ADAM18: variants seen among roughly 807,000 people sequenced by gnomAD.
The protein encoded by ADAM18 is disintegrin and metalloproteinase domain-containing protein 18.
In ADAM18, 117 loss-of-function variants were observed where a neutral mutation model predicts 94.4. That is an observed-to-expected ratio of 1.24 (90% confidence interval 1.07 to 1.45). The LOEUF is 1.45. ADAM18 is among the 40% of genes most tolerant of loss of function. The probability of loss-of-function intolerance (pLI) is 0.00; values close to 1 mark genes in which losing one functional copy is unlikely to be tolerated. For missense variants in ADAM18, 936 were observed against 880.0 expected (o/e 1.06, Z -0.81); for synonymous variants, 327 against 291.6 (o/e 1.12, Z -1.24).
At chr8:39,711,638 A>C (rs1199087013) in intron 18 of ADAM18, among the ~76,000 whole-genome samples, 1 of 152,166 alleles carries the variant, frequency 6.6e-6, no homozygotes, top group African/African-American at 2.4e-5. Context: ...CAAGGGTTTA[A>C]AAGTGAATTT....
chr8:39,713,911 A>G (rs1822494944), intron 18 of ADAM18, among the ~76,000 whole-genome samples: 4 of 152,182 alleles, frequency 2.6e-5, no homozygotes, highest in Admixed American at 2.6e-4. Context: ...ATCTAGAATT[A>G]CCATTTGACC....
rs115469247 is a variant in ADAM18, at chr8:39,653,221, C to T, written c.1230+4694C>T. ...TGTGTTAATTAGCTTGATTTAGCCA[C>T]TTTAGAATGTATACATGTATCAAAA... On this transcript the variant is annotated intron_variant, in intron 12 of 19. Transcript: ENST00000265707. Among the ~76,000 whole-genome samples the T allele has an allele frequency of 6.0e-3, 913 of 152,048 alleles. 5 individuals are homozygous for T. The highest frequency in any genetic ancestry group is 0.021 in the African/African-American group (867 of 41,438).
At chr8:39,589,530 T>C (rs1818507753) in intron 2 of ADAM18, among the ~76,000 whole-genome samples, 1 of 152,028 alleles carries the variant, frequency 6.6e-6, no homozygotes, top group African/African-American at 2.4e-5. Context: ...GTGTATGTTA[T>C]GTATATCAAG....
intron 2 of ADAM18, among the ~76,000 whole-genome samples, chr8:39,602,545 A>G (rs1009570542): frequency 6.6e-6 from 1 of 152,150 alleles, no homozygotes; most frequent in Admixed American, 6.5e-5. Flanking sequence ...TTGACCTTCA[A>G]TCTCTTGCAA....
intron 7 of ADAM18, among the ~76,000 whole-genome samples, chr8:39,637,046 T>A (rs1365690474): frequency 6.9e-6 from 1 of 144,164 alleles, no homozygotes; most frequent in Non-Finnish European, 1.5e-5. Context: ...TATATATATA[T>A]ATATATATAT....
At position 39,729,060 on chromosome 8, in the gene ADAM18, T is replaced by C. The variant is rs142209893; in HGVS notation, c.2178-838T>C. On this transcript the variant is annotated intron_variant, in intron 19 of 19. Coordinates refer to ENST00000265707, the MANE Select transcript of ADAM18 (RefSeq NM_014237.3). ...CTTTTTTTAAAAAACATATTGGCCA[T>C]CCTAATGGGTGTGAGGAGATATCTC... Among the ~76,000 whole-genome samples the C allele has an allele frequency of 2.7e-3, 408 of 152,250 alleles. 2 individuals are homozygous for C. The highest frequency in any genetic ancestry group is 9.4e-3 in the African/African-American group (390 of 41,538).
chr8:39,604,146 T>TAC (rs1424065019), intron 2 of ADAM18, among the ~76,000 whole-genome samples: 1 of 152,228 alleles, frequency 6.6e-6, no homozygotes, highest in Non-Finnish European at 1.5e-5. Context: ...GCCAGGCTCT[T>TAC]ACACTCATTT....
intron 13 of ADAM18, 44 bp downstream of exon 13, chr8:39,663,934 G>A (rs559255877): frequency 2.3e-6 from 3 of 1,297,226 alleles, no homozygotes; most frequent in Non-Finnish European, 3.3e-6. Flanking sequence ...ACTGTGGTAA[G>A]AGACGTCTGT....
At chr8:39,672,954 GGTT>G (rs936594189) in intron 14 of ADAM18, among the ~76,000 whole-genome samples, 3 of 152,130 alleles carry the variant, frequency 2.0e-5, no homozygotes, top group Admixed American at 2.0e-4. Context: ...AAATCCATTT[GGTT>G]GTTATTTCTC....
intron 2 of ADAM18, among the ~76,000 whole-genome samples, chr8:39,585,963 CA>C (rs1818382697): frequency 6.6e-6 from 1 of 152,104 alleles, no homozygotes. Context: ...CTGAAATTGA[CA>C]GATTTAAAAT....
chr8:39,611,185 T>A (rs1021081923), intron 6 of ADAM18: 2 of 746,278 alleles, frequency 2.7e-6, no homozygotes, highest in African/African-American at 3.8e-5. Context: ...CATCACCATG[T>A]GGCCTCTGTT....
chr8:39,691,868 T>C (rs1359342250), intron 16 of ADAM18, among the ~76,000 whole-genome samples: 1 of 151,982 alleles, frequency 6.6e-6, no homozygotes, highest in Non-Finnish European at 1.5e-5. Flanking sequence ...AGTTGACATA[T>C]GCAACTTATA....
intron 6 of ADAM18, among the ~76,000 whole-genome samples, chr8:39,621,406 G>A (rs948324921): frequency 1.3e-5 from 2 of 151,014 alleles, no homozygotes; most frequent in African/African-American, 4.9e-5. Flanking sequence ...GACCACTGGG[G>A]AAAACTGGAT....
At chr8:39,606,220 ACT>A (rs1266108169) in intron 2 of ADAM18, 85 bp from the exon 3 acceptor site, 41 of 690,212 alleles carry the variant, frequency 5.9e-5, no homozygotes, top group Admixed American at 2.7e-4. Context: ...TAATAGATAG[ACT>A]CTTTTTATTA....
chr8:39,619,320 G>A (rs996092258), intron 6 of ADAM18, among the ~76,000 whole-genome samples: 16 of 152,242 alleles, frequency 1.1e-4, no homozygotes, highest in African/African-American at 3.1e-4. Flanking sequence ...AAAAGCGACC[G>A]AATGGACATT....
intron 17 of ADAM18, among the ~76,000 whole-genome samples, chr8:39,702,227 C>T (rs1182049289): frequency 6.6e-6 from 1 of 152,160 alleles, no homozygotes; most frequent in Non-Finnish European, 1.5e-5. Flanking sequence ...ATTTTTATTT[C>T]TCTAATGATT....
chr8:39,614,497 A>G (rs376227954), intron 6 of ADAM18, among the ~76,000 whole-genome samples: 2 of 152,308 alleles, frequency 1.3e-5, no homozygotes, highest in Non-Finnish European at 2.9e-5. Context: ...ACAAAAGACC[A>G]TACAGGGCAC....
intron 14 of ADAM18, among the ~76,000 whole-genome samples, chr8:39,668,504 A>G (rs932889034): frequency 5.3e-5 from 8 of 152,148 alleles, no homozygotes; most frequent in South Asian, 2.1e-4. Flanking sequence ...ATAATTTCCT[A>G]TTACTACCCA....
chr8:39,703,934 C>T (rs934702307), intron 17 of ADAM18, among the ~76,000 whole-genome samples: 3 of 152,132 alleles, frequency 2.0e-5, no homozygotes, highest in Middle Eastern at 3.4e-3. Context: ...ATTATAAACA[C>T]CTCTATGCAC....
Sources: allele counts gnomAD v4.1 joint callset (sites outside exome capture counted in the v4.1 genomes callset), GRCh38; gene constraint gnomAD v4.1.1; transcripts MANE v1.5; gene names NCBI Gene and HGNC (gene_info 2026-07-23, HGNC 2026-07-21).